PTPRT: variants seen among roughly 807,000 people sequenced by gnomAD.
PTPRT encodes protein tyrosine phosphatase receptor type T, also known as receptor-type tyrosine-protein phosphatase T.
In PTPRT, 56 loss-of-function variants were observed where a neutral mutation model predicts 176.8. The observed-to-expected ratio is 0.32, with a 90% CI of 0.26 to 0.40. The LOEUF is 0.40. PTPRT is among the 10% of genes least tolerant of loss of function. The pLI is 1.00. For synonymous variants in PTPRT, 783 were observed against 739.0 expected (o/e 1.06, Z -0.96); for missense variants, 1,540 against 1,908.2 (o/e 0.81, Z 3.60).
intron 1 of PTPRT, among the ~76,000 whole-genome samples, chr20:43,096,090 C>T (rs921496885): frequency 7.1e-6 from 1 of 140,642 alleles, no homozygotes. Context: ...TCTCCCTTCT[C>T]TTTCCCTCTC....
chr20:42,143,152 GT>G (rs1988703803), intron 17 of PTPRT, among the ~76,000 whole-genome samples: 1 of 152,176 alleles, frequency 6.6e-6, no homozygotes, highest in African/African-American at 2.4e-5. Flanking sequence ...CCATCAGAGG[GT>G]TTTGGGCAGG....
chr20:42,145,860 C>T lies in PTPRT; in HGVS notation c.2683-3858G>A, dbSNP rs186976834. On this transcript the variant is annotated intron_variant, in intron 17 of 30. Coordinates refer to ENST00000373187, the MANE Select transcript of PTPRT (RefSeq NM_007050.6). The stretch of plus-strand genomic sequence containing the variant: ...TTAGACAAACATCCTGGAAGAGAAG[C>T]AATACAGGTGCTAGGTTTTGGGCAC... 1.6e-3 allele frequency among the ~76,000 whole-genome samples: 239 copies of T among 152,290 alleles called. 2 individuals carry two copies. The highest frequency in any genetic ancestry group is 1.2e-3 in the East Asian group (6 of 5,176).
At chr20:42,473,623 A>T (rs2145296740) in intron 7 of PTPRT, among the ~76,000 whole-genome samples, 1 of 152,230 alleles carries the variant, frequency 6.6e-6, no homozygotes, top group Admixed American at 6.5e-5. Flanking sequence ...GTGGGCCTAC[A>T]CCATGCTTGG....
intron 9 of PTPRT, among the ~76,000 whole-genome samples, chr20:42,410,462 T>C (rs1313909305): frequency 6.6e-6 from 1 of 151,240 alleles, no homozygotes; most frequent in Non-Finnish European, 1.5e-5. Context: ...GAAAGAGAAA[T>C]ATGAAAATCC....
chr20:42,806,601 G>A (rs940950235), intron 2 of PTPRT, among the ~76,000 whole-genome samples: 3 of 152,016 alleles, frequency 2.0e-5, no homozygotes, highest in African/African-American at 7.2e-5. Context: ...AAGGGCCAGA[G>A]AGTCAATATT....
At chr20:42,154,856 A>G (rs1016757080) in intron 17 of PTPRT, among the ~76,000 whole-genome samples, 2 of 151,982 alleles carry the variant, frequency 1.3e-5, no homozygotes, top group African/African-American at 2.4e-5. Flanking sequence ...GGAGAACTGG[A>G]GCTGGGGGGG....
At chr20:42,645,822 G>T (rs2145948662) in intron 7 of PTPRT, among the ~76,000 whole-genome samples, 1 of 151,716 alleles carries the variant, frequency 6.6e-6, no homozygotes, top group South Asian at 2.1e-4. Flanking sequence ...GTGACAGAGA[G>T]AGAGAGGCAG....
intron 7 of PTPRT, among the ~76,000 whole-genome samples, chr20:42,626,626 A>C (rs6030375): frequency 2.6e-5 from 4 of 152,014 alleles, no homozygotes; most frequent in Admixed American, 6.6e-5. Context: ...CTTTAGTTGC[A>C]AGATTCCAAG....
At chr20:42,312,068 T>G (rs1362141993) in intron 12 of PTPRT, among the ~76,000 whole-genome samples, 1 of 152,230 alleles carries the variant, frequency 6.6e-6, no homozygotes, top group Admixed American at 6.5e-5. Context: ...TAGTTACATT[T>G]TACATTAACC....
chr20:43,067,701 T>A (rs2011125107), intron 1 of PTPRT, among the ~76,000 whole-genome samples: 1 of 151,282 alleles, frequency 6.6e-6, no homozygotes, highest in African/African-American at 2.4e-5. Context: ...GTGGCTCACA[T>A]CTGCAATCCC....
intron 1 of PTPRT, among the ~76,000 whole-genome samples, chr20:42,981,018 G>T (rs1983242878): frequency 6.6e-6 from 1 of 152,162 alleles, no homozygotes; most frequent in Non-Finnish European, 1.5e-5. Context: ...ATATGAGAAA[G>T]TTTACTTTTC....
chr20:42,984,067 TAC>T (rs1983426682), intron 1 of PTPRT, among the ~76,000 whole-genome samples: 1 of 152,224 alleles, frequency 6.6e-6, no homozygotes, highest in African/African-American at 2.4e-5. Context: ...TATGGACAGG[TAC>T]ACTCAGCTGC....
At chr20:43,171,633 C>T (rs1334950951) in intron 1 of PTPRT, among the ~76,000 whole-genome samples, 1 of 152,128 alleles carries the variant, frequency 6.6e-6, no homozygotes, top group Non-Finnish European at 1.5e-5. Context: ...TCTAGACCAG[C>T]GATTCTCAAA....
At chr20:42,627,837 A>G (rs1362735085) in intron 7 of PTPRT, among the ~76,000 whole-genome samples, 3 of 152,078 alleles carry the variant, frequency 2.0e-5, no homozygotes, top group Non-Finnish European at 4.4e-5. Flanking sequence ...TTACAGCCAG[A>G]TGCTCCAGTG....
intron 2 of PTPRT, among the ~76,000 whole-genome samples, chr20:42,818,866 G>A (rs1416113147): frequency 2.0e-5 from 3 of 152,048 alleles, no homozygotes; most frequent in East Asian, 3.9e-4. Flanking sequence ...AGAAGGAAAA[G>A]GAATGAACAA....
chr20:42,518,204 T>G (rs1471460535), intron 7 of PTPRT, among the ~76,000 whole-genome samples: 1 of 152,026 alleles, frequency 6.6e-6, no homozygotes, highest in Non-Finnish European at 1.5e-5. Context: ...TAATGCAAAC[T>G]GTCATTTTAA....
intron 5 of PTPRT, among the ~76,000 whole-genome samples, chr20:42,769,121 T>C (rs2145452526): frequency 6.6e-6 from 1 of 152,334 alleles, no homozygotes; most frequent in Admixed American, 6.5e-5. Context: ...TGGAGGTTTC[T>C]TATGCTCTCC....
intron 1 of PTPRT, among the ~76,000 whole-genome samples, chr20:43,097,531 C>A (rs2012219659): frequency 6.6e-6 from 1 of 152,154 alleles, no homozygotes; most frequent in Non-Finnish European, 1.5e-5. Flanking sequence ...TGATAAAATG[C>A]CATGATGGTT....
chr20:43,124,693 G>A (rs763225947), intron 1 of PTPRT, among the ~76,000 whole-genome samples: 2 of 152,220 alleles, frequency 1.3e-5, no homozygotes, highest in Non-Finnish European at 2.9e-5. Context: ...TGCCTACTAT[G>A]TGCCAGGCAC....
Sources: allele counts gnomAD v4.1 joint callset (sites outside exome capture counted in the v4.1 genomes callset), GRCh38; gene constraint gnomAD v4.1.1; transcripts MANE v1.5; gene names NCBI Gene and HGNC (gene_info 2026-07-23, HGNC 2026-07-21).